CLNK: variants seen among roughly 807,000 people sequenced by gnomAD.
The protein encoded by CLNK is cytokine dependent hematopoietic cell linker.
CLNK carries 74 observed loss-of-function variants against 68.6 expected under a neutral mutation model. That is an observed-to-expected ratio of 1.08 (90% CI 0.89 to 1.31). CLNK has a LOEUF of 1.31. Ranked by LOEUF, CLNK falls within the 50% of genes most tolerant of loss-of-function variation. CLNK has a pLI of 0.00. For missense variants in CLNK, 553 were observed against 515.3 expected (o/e 1.07, Z -0.71); for synonymous variants, 198 against 172.2 (o/e 1.15, Z -1.17).
chr4:10,608,387 TC>T (rs1429084123), intron 2 of CLNK, among the ~76,000 whole-genome samples: 7 of 152,136 alleles, frequency 4.6e-5, no homozygotes, highest in Non-Finnish European at 1.0e-4. Context: ...CTTCCAACTC[TC>T]CTTGGTCTTC....
chr4:10,549,852 A>C (rs943333861), intron 8 of CLNK, among the ~76,000 whole-genome samples: 1 of 152,264 alleles, frequency 6.6e-6, no homozygotes, highest in Non-Finnish European at 1.5e-5. Flanking sequence ...CCTGGTGGTC[A>C]TAACGTGTAA....
At position 10,664,849 on chromosome 4, in the gene CLNK, T is replaced by G. The variant is rs75293727; in HGVS notation, c.11+3010A>C. On this transcript the variant is annotated intron_variant, in intron 2 of 18. Transcript: ENST00000226951. ...GGCATCTTACCTTTCATTTGTGTGG[T>G]GCCAGCTTATGCATTTCTCTTTAAT... Among the ~76,000 whole-genome samples the G allele has an allele frequency of 3.5e-3, 535 of 152,340 alleles. 3 individuals carry two copies. The highest frequency in any genetic ancestry group is 0.024 in the Middle Eastern group (7 of 294).
At chr4:10,590,295 TTCTC>T (rs1721137039) in intron 3 of CLNK, among the ~76,000 whole-genome samples, 1 of 152,222 alleles carries the variant, frequency 6.6e-6, no homozygotes, top group Non-Finnish European at 1.5e-5. Context: ...CCTCTTCCAC[TTCTC>T]TCTCCTGCTG....
rs555149001 is a variant in CLNK at position 10,513,644 on chromosome 4, A to G, written c.773-47T>C. On this transcript the variant is annotated intron_variant, in intron 15 of 18. Transcript: ENST00000226951. Reference sequence around the variant, plus strand: ...TTCAGTGTGATTTTGTGACTGGTGCAGTCTGTCCCCCACCTCCAGAAAGGA... The same window carrying G: ...TTCAGTGTGATTTTGTGACTGGTGCGGTCTGTCCCCCACCTCCAGAAAGGA... 6.3e-5 allele frequency: 97 copies of G among 1,545,108 alleles called. 2 individuals carry two copies. The Middle Eastern group carries it at 1.7e-3, about 28-fold the overall frequency.
intron 2 of CLNK, among the ~76,000 whole-genome samples, chr4:10,666,262 G>A (rs1724392915): frequency 6.6e-6 from 1 of 152,206 alleles, no homozygotes; most frequent in South Asian, 2.1e-4. Flanking sequence ...TGCAGGTGGT[G>A]GTAATTTGTT....
intron 5 of CLNK, among the ~76,000 whole-genome samples, 159 bp downstream of exon 5, chr4:10,571,582 C>T (rs920551304): frequency 5.9e-5 from 9 of 152,124 alleles, no homozygotes; most frequent in Middle Eastern, 3.4e-3. Context: ...GTGATCTGCC[C>T]GCCTTGGCCT....
chr4:10,701,962 G>A, the CLNK span, among the ~76,000 whole-genome samples: 6 of 152,162 alleles, frequency 3.9e-5, no homozygotes, highest in Admixed American at 2.0e-4. Context: ...AGAGGCAAAG[G>A]CACTGAGAAG....
At position 10,487,140 on chromosome 4, in the gene CLNK, A is replaced by C. The variant is rs909365864; in HGVS notation, c.*3327T>G. On this transcript the variant is annotated 3_prime_UTR_variant, in exon 19 of 19. Coordinates refer to ENST00000226951, the MANE Select transcript of CLNK (RefSeq NM_052964.4). ...AAATCAGATATCAAGTGATACTTTTAAACTAAACGTGAGGTAATGGTTGAA... is the reference window on the plus strand; with the variant it reads ...AAATCAGATATCAAGTGATACTTTTCAACTAAACGTGAGGTAATGGTTGAA... 19 of 152,250 alleles carry C rather than the reference A, an allele frequency of 1.2e-4. No homozygotes were observed. Among genetic ancestry groups the C allele is most frequent in the African/African-American group, 4.3e-4 (18 of 41,466 alleles). 9.4% of individuals were successfully genotyped at this position (152,250 alleles called of 1,614,324 possible).
In CLNK at chr4:10,504,396, A is replaced by G. The variant is rs1199719428; in HGVS notation, c.985-2985T>C. 3.9e-5 allele frequency among the ~76,000 whole-genome samples: 6 copies of G among 152,200 alleles called. No homozygotes were observed. The East Asian group carries it at 1.2e-3, about 29-fold the overall frequency. ...CGGGCTCCCAAAGTGCTGGGATTAC[A>G]GGCGTGAGCCACTGCGTGCCCCGCC... On this transcript the variant is annotated intron_variant, in intron 17 of 18. Coordinates refer to ENST00000226951, the MANE Select transcript of CLNK (RefSeq NM_052964.4).
the CLNK span, among the ~76,000 whole-genome samples, chr4:10,711,394 T>C: frequency 2.6e-5 from 4 of 152,150 alleles, no homozygotes; most frequent in East Asian, 7.7e-4. Flanking sequence ...TACTGCAGAG[T>C]CACAGAACAT....
intron 1 of CLNK, among the ~76,000 whole-genome samples, chr4:10,668,251 T>C (rs1282581290): frequency 6.6e-6 from 1 of 152,214 alleles, no homozygotes; most frequent in East Asian, 1.9e-4. Context: ...GGCTCTCCTC[T>C]GAGCCAGAGC....
rs1341053485 is a variant in CLNK, at chr4:10,488,926, T to C, written c.*1541A>G. 3 of 152,252 alleles carry C rather than the reference T, an allele frequency of 2.0e-5. No homozygotes were observed. Among genetic ancestry groups the C allele is most frequent in the Non-Finnish European group, 4.4e-5 (3 of 68,042 alleles). 9.4% of individuals were successfully genotyped at this position (152,252 alleles called of 1,614,324 possible). Reference sequence around the variant, plus strand: ...TATGAATTTCCTTTGTAAGCTTTGGTAGCATTTGACATCATGATATACTGT... The same window carrying C: ...TATGAATTTCCTTTGTAAGCTTTGGCAGCATTTGACATCATGATATACTGT... On this transcript the variant is annotated 3_prime_UTR_variant, in exon 19 of 19. Transcript: ENST00000226951.
In CLNK at chr4:10,592,762, G is replaced by T. The variant is rs75711847; in HGVS notation, c.83+5216C>A. On this transcript the variant is annotated intron_variant, in intron 3 of 18. Transcript: ENST00000226951. Reference sequence around the variant, plus strand: ...TTCTTTTGAGGCAGAGTCTCACTCTGTCGCCCAGGTTGGAGTGCAGTGAGG... The same window carrying T: ...TTCTTTTGAGGCAGAGTCTCACTCTTTCGCCCAGGTTGGAGTGCAGTGAGG... 1.4e-3 allele frequency among the ~76,000 whole-genome samples: 220 copies of T among 152,018 alleles called. 4 individuals carry two copies. In the East Asian group the frequency reaches 0.032, roughly 22 times the overall value.
chr4:10,501,809 C>G lies in CLNK; in HGVS notation c.985-398G>C, dbSNP rs150213706. Among the ~76,000 whole-genome samples the G allele has an allele frequency of 4.3e-3, 653 of 152,296 alleles. 6 individuals are homozygous for G. The highest frequency in any genetic ancestry group is 0.015 in the African/African-American group (617 of 41,546). On this transcript the variant is annotated intron_variant, in intron 17 of 18. Coordinates refer to ENST00000226951, the MANE Select transcript of CLNK (RefSeq NM_052964.4). ...GGGCATGGTGGCGGGCGCCTGTAATCCCAGCTACTCAGGAGGCTGAGGCAG... is the reference window on the plus strand; with the variant it reads ...GGGCATGGTGGCGGGCGCCTGTAATGCCAGCTACTCAGGAGGCTGAGGCAG...
chr4:10,592,902 T>C (rs911553697), intron 3 of CLNK, among the ~76,000 whole-genome samples: 3 of 151,748 alleles, frequency 2.0e-5, no homozygotes, highest in African/African-American at 7.3e-5. Flanking sequence ...ATTTTTGTAT[T>C]TTTTAGTAGA....
intron 11 of CLNK, among the ~76,000 whole-genome samples, chr4:10,534,972 GT>G (rs1159761748): frequency 6.6e-6 from 1 of 151,980 alleles, no homozygotes; most frequent in Non-Finnish European, 1.5e-5. Context: ...AAGACTTTTT[GT>G]TTTCACTTCC....
chr4:10,564,104 CTTTTTTTTTT>C (rs371222469), intron 7 of CLNK, among the ~76,000 whole-genome samples: 2 of 135,852 alleles, frequency 1.5e-5, no homozygotes, highest in African/African-American at 5.5e-5. Context: ...TAGATTTTTT[CTTTTTTTTTT>C]TTTTTGAGAC....
At position 10,611,469 on chromosome 4, in the gene CLNK, G is replaced by C. The variant is rs375838370; in HGVS notation, c.12-13420C>G. Among the ~76,000 whole-genome samples, 27 of 149,342 alleles carry C rather than the reference G, an allele frequency of 1.8e-4. No individual in the cohort carries two copies. The East Asian group carries it at 4.6e-3, about 25-fold the overall frequency. On this transcript the variant is annotated intron_variant, in intron 2 of 18. Transcript: ENST00000226951. Reference sequence around the variant, plus strand: ...GCTGAAATCATGCCACTGCACTCCAGCCTGGCCACAGAGGGAGGCTAAGTC... The same window carrying C: ...GCTGAAATCATGCCACTGCACTCCACCCTGGCCACAGAGGGAGGCTAAGTC...
At chr4:10,524,912 C>T (rs1276456657) in intron 14 of CLNK, among the ~76,000 whole-genome samples, 4 of 152,036 alleles carry the variant, frequency 2.6e-5, no homozygotes, top group Non-Finnish European at 5.9e-5. Context: ...GCTGCAGTGC[C>T]GAGAGTGAGA....
Sources: gnomAD v4.1 joint callset for allele counts (sites outside exome capture counted in the v4.1 genomes callset) on GRCh38, gnomAD v4.1.1 for gene constraint, MANE v1.5 for transcripts, NCBI Gene and HGNC (gene_info 2026-07-23, HGNC 2026-07-21) for gene names.